RARB: variants seen among roughly 807,000 people sequenced by gnomAD.
RARB encodes the protein retinoic acid receptor beta, also known as HBV-activated protein.
A neutral mutation model predicts 51.9 loss-of-function variants in RARB; 17 were observed. That is an observed-to-expected ratio of 0.33 (90% CI 0.22 to 0.49). The LOEUF (loss-of-function observed/expected upper bound fraction) is 0.49. Among genes scored for constraint, RARB ranks in the 20% least tolerant of loss-of-function variants. RARB has a pLI of 0.99. For synonymous variants in RARB, 215 were observed against 195.4 expected (o/e 1.10, Z -0.84); for missense variants, 369 against 550.8 (o/e 0.67, Z 3.30).
intron 5 of RARB, among the ~76,000 whole-genome samples, chr3:25,355,321 C>A (rs988841783): frequency 6.6e-6 from 1 of 152,008 alleles, no homozygotes; most frequent in Non-Finnish European, 1.5e-5. Flanking sequence ...TTTAAAAAAT[C>A]TTTTCCATCC....
At chr3:25,348,701 G>A (rs1479865579) in intron 5 of RARB, among the ~76,000 whole-genome samples, 2 of 152,176 alleles carry the variant, frequency 1.3e-5, no homozygotes, top group African/African-American at 2.4e-5. Flanking sequence ...TTAAATGTCA[G>A]TAAATCTTAA....
chr3:25,332,485 C>G (rs1026762851), intron 5 of RARB, among the ~76,000 whole-genome samples: 2 of 152,162 alleles, frequency 1.3e-5, no homozygotes, highest in African/African-American at 2.4e-5. Flanking sequence ...GCCCTTCATG[C>G]TAAAAACTCT....
intron 2 of RARB, among the ~76,000 whole-genome samples, chr3:24,963,608 T>C (rs986483908): frequency 6.6e-6 from 1 of 151,970 alleles, no homozygotes; most frequent in South Asian, 2.1e-4. Context: ...CTACTGGCCT[T>C]GGAGAATTCA....
intron 2 of RARB, among the ~76,000 whole-genome samples, chr3:24,938,042 GC>G (rs1695582232): frequency 2.6e-5 from 1 of 38,388 alleles, no homozygotes; most frequent in Non-Finnish European, 5.2e-5. Flanking sequence ...ATGCACACAT[GC>G]GCACACACAC....
At chr3:24,955,603 A>C (rs1399075158) in intron 2 of RARB, among the ~76,000 whole-genome samples, 1 of 152,206 alleles carries the variant, frequency 6.6e-6, no homozygotes, top group Non-Finnish European at 1.5e-5. Flanking sequence ...GCAGATTAAT[A>C]GGAGAAAAGG....
chr3:24,976,760 T>C (rs931567470), intron 2 of RARB, among the ~76,000 whole-genome samples: 6 of 152,220 alleles, frequency 3.9e-5, no homozygotes, highest in African/African-American at 1.4e-4. Context: ...AGCTCTTTAG[T>C]TTAATTAGAT....
intron 3 of RARB, among the ~76,000 whole-genome samples, chr3:25,107,301 C>A (rs74794750): frequency 0.011 from 1,698 of 152,234 alleles, 38 homozygotes; most frequent in African/African-American, 0.039. Context: ...GTTTTCTTCC[C>A]CTAGTCGAAT....
At chr3:25,120,434 A>G (rs1290746177) in intron 3 of RARB, among the ~76,000 whole-genome samples, 1 of 152,078 alleles carries the variant, frequency 6.6e-6, no homozygotes, top group Non-Finnish European at 1.5e-5. Flanking sequence ...AAAATGTTTA[A>G]TATCTCTAGT....
chr3:25,140,424 T>G (rs1320541459), intron 4 of RARB, among the ~76,000 whole-genome samples: 1 of 152,074 alleles, frequency 6.6e-6, no homozygotes, highest in African/African-American at 2.4e-5. Flanking sequence ...ACTGAAGATG[T>G]GGTGAAAATA....
chr3:25,186,054 C>G (rs1187398309), intron 5 of RARB, among the ~76,000 whole-genome samples: 1 of 151,842 alleles, frequency 6.6e-6, no homozygotes, highest in African/African-American at 2.4e-5. Flanking sequence ...TTCCAGCATT[C>G]CAATTAAAAA....
chr3:24,894,690 C>G, intron 2 of RARB, among the ~76,000 whole-genome samples: 1 of 152,292 alleles, frequency 6.6e-6, no homozygotes, highest in East Asian at 1.9e-4. Flanking sequence ...AGCCAGTTTA[C>G]TCTTGGCTAG....
chr3:25,030,464 T>C (rs1697847540), intron 2 of RARB, among the ~76,000 whole-genome samples: 2 of 152,366 alleles, frequency 1.3e-5, no homozygotes, highest in Middle Eastern at 3.4e-3. Context: ...GTATTATCTT[T>C]TAATAATGGT....
chr3:25,358,963 A>G (rs557517617), intron 5 of RARB, among the ~76,000 whole-genome samples: 1 of 151,240 alleles, frequency 6.6e-6, no homozygotes, highest in Non-Finnish European at 1.5e-5. Flanking sequence ...AATCTCTGCC[A>G]GGTTTTGGTA....
intron 5 of RARB, among the ~76,000 whole-genome samples, chr3:25,394,450 T>G (rs1398977270): frequency 6.6e-6 from 1 of 152,172 alleles, no homozygotes; most frequent in African/African-American, 2.4e-5. Context: ...CACTGTTTCT[T>G]TGTTGACTTT....
At chr3:24,896,693 C>A (rs772575027) in intron 2 of RARB, among the ~76,000 whole-genome samples, 1 of 152,098 alleles carries the variant, frequency 6.6e-6, no homozygotes, top group Non-Finnish European at 1.5e-5. Flanking sequence ...TATTTTGATA[C>A]AATAAAAAAA....
chr3:25,361,630 G>T (rs1004736251), intron 5 of RARB, among the ~76,000 whole-genome samples: 1 of 152,062 alleles, frequency 6.6e-6, no homozygotes, highest in Non-Finnish European at 1.5e-5. Context: ...ATCTACCTTT[G>T]TTCTTTGCTG....
chr3:25,546,445 G>A (rs755809237), intron 3 of RARB, among the ~76,000 whole-genome samples: 10 of 152,188 alleles, frequency 6.6e-5, no homozygotes, highest in Middle Eastern at 3.4e-3. Context: ...AGCAGGGAGC[G>A]ATGAGTGGTG....
intron 5 of RARB, among the ~76,000 whole-genome samples, chr3:25,301,273 T>TA (rs1200815636): frequency 6.6e-6 from 1 of 152,220 alleles, no homozygotes; most frequent in Non-Finnish European, 1.5e-5. Context: ...CCAATGGGGT[T>TA]AGTCTCCCTC....
intron 3 of RARB, among the ~76,000 whole-genome samples, chr3:25,515,782 A>G (rs1416078307): frequency 7.2e-5 from 11 of 152,216 alleles, no homozygotes; most frequent in Admixed American, 6.5e-4. Context: ...AAAGAGCCAC[A>G]TGGAATCCCT....
Sources: allele counts gnomAD v4.1 joint callset (sites outside exome capture counted in the v4.1 genomes callset), GRCh38; gene constraint gnomAD v4.1.1; transcripts MANE v1.5; gene names NCBI Gene and HGNC (gene_info 2026-07-23, HGNC 2026-07-21).